The following EPG5 variants were observed in gnomAD, a reference collection of about 807,000 sequenced individuals.
EPG5 encodes the protein ectopic P-granules 5 autophagy tethering factor.
In EPG5, 159 loss-of-function variants were observed where a neutral mutation model predicts 302.7. The observed-to-expected ratio is 0.53, with a 90% CI of 0.46 to 0.60. The LOEUF (loss-of-function observed/expected upper bound fraction) is 0.60, where lower values mean the gene tolerates loss of function less well. Among genes scored for constraint, EPG5 ranks in the 20% least tolerant of loss-of-function variants. EPG5 has a pLI of 0.00. For missense variants in EPG5, 2,896 were observed against 3,092.4 expected (o/e 0.94, Z 1.51); for synonymous variants, 1,158 against 1,136.8 (o/e 1.02, Z -0.37).
At chr18:45,822,210 A>G in the EPG5 span, among the ~76,000 whole-genome samples, 4 of 152,382 alleles carry the variant, frequency 2.6e-5, no homozygotes, top group Admixed American at 2.6e-4. Context: ...AATATTATTC[A>G]GCCATAAAAA....
chr18:45,951,891 C>G (rs2050916924), intron 3 of EPG5, among the ~76,000 whole-genome samples: 1 of 152,068 alleles, frequency 6.6e-6, no homozygotes, highest in South Asian at 2.1e-4. Flanking sequence ...ATAAAAATTG[C>G]ATAATTCAAC....
At chr18:45,965,739 T>G (rs1183609549) in intron 1 of EPG5, among the ~76,000 whole-genome samples, 2 of 152,214 alleles carry the variant, frequency 1.3e-5, no homozygotes, top group Non-Finnish European at 2.9e-5. Flanking sequence ...GAGCAGCATT[T>G]AATCTGTTCA....
intron 1 of EPG5, among the ~76,000 whole-genome samples, chr18:45,966,442 A>ATGTATACATGTGTACATATGTATATATG (rs1568197302): frequency 6.6e-6 from 1 of 151,380 alleles, no homozygotes; most frequent in African/African-American, 2.4e-5. Context: ...GTACGTATAT[A>ATGTATACATGTGTACATATGTATATATG]TGTATATATG....
In EPG5 at chr18:45,943,199, G is replaced by C. The variant is rs1387842506; in HGVS notation, c.1905C>G (p.Arg635=). ...AVGLETFNRA[R]YRQFVKRIGY... is the part of the protein sequence containing the mutation. The stretch of plus-strand genomic sequence containing the variant: ...CAATTCGCTTCACAAACTGCCTATA[G>C]CGTGCTCTATTAAAGGTTTCTAACC... Residue 635 remains arginine (R), a synonymous_variant, in exon 9 of 44, where the codon CGC becomes CGG. Coordinates refer to ENST00000282041, the MANE Select transcript of EPG5 (RefSeq NM_020964.3). The C allele has an allele frequency of 6.2e-7, 1 of 1,614,104 alleles. No individual in the cohort carries two copies. Among genetic ancestry groups the C allele is most frequent in the Admixed American group, 1.7e-5 (1 of 60,016 alleles).
chr18:45,923,896 T>C (rs2050211043), intron 14 of EPG5, among the ~76,000 whole-genome samples: 2 of 152,092 alleles, frequency 1.3e-5, no homozygotes, highest in South Asian at 4.1e-4. Context: ...AGTACGGTGG[T>C]GCACGCCTGT....
At position 45,952,714 on chromosome 18, in the gene EPG5, A is replaced by G. The variant is rs531442647; in HGVS notation, c.1009-71T>C. ...CATTTGAAGTAAGCAGGCAGCAAGT[A>G]TAAGGTACACAGGCTTCAGTACCAT... On this transcript the variant is annotated intron_variant, in intron 2 of 43. Transcript: ENST00000282041. 81 of 1,538,540 alleles carry G rather than the reference A, an allele frequency of 5.3e-5. No homozygotes were observed. In the Middle Eastern group the frequency reaches 1.2e-3, roughly 23 times the overall value.
chr18:45,910,574 G>A lies in EPG5; in HGVS notation c.4152C>T (p.His1384=). 1.2e-6 allele frequency: 2 copies of A among 1,613,910 alleles called. No individual in the cohort carries two copies. The highest frequency in any genetic ancestry group is 1.7e-6 in the Non-Finnish European group (2 of 1,179,968). Reference sequence around the variant, plus strand: ...AAGTCAGGTAACCAGGGGTGCCAGAGTGGCTCTCTGGCAGCCCTTCACTGC... The same window carrying A: ...AAGTCAGGTAACCAGGGGTGCCAGAATGGCTCTCTGGCAGCCCTTCACTGC... ...AEGSEGLPES[H]SGTPGYLTSP... The change falls in exon 23 of 44, where the codon CAC becomes CAT. Residue 1384 remains histidine, a synonymous_variant. Transcript: ENST00000282041.
At chr18:45,944,830 T>C (rs2050751939) in intron 7 of EPG5, among the ~76,000 whole-genome samples, 1 of 152,230 alleles carries the variant, frequency 6.6e-6, no homozygotes, top group African/African-American at 2.4e-5. Context: ...TCAAGATCTA[T>C]GTAGTATGCA....
chr18:45,917,281 A>T (rs920246786), intron 17 of EPG5, among the ~76,000 whole-genome samples: 1 of 152,166 alleles, frequency 6.6e-6, no homozygotes, highest in African/African-American at 2.4e-5. Flanking sequence ...CTAGCATCTT[A>T]TCTGTTTGCA....
At chr18:45,904,182 T>C in intron 24 of EPG5, 65 bp from the exon 25 acceptor site, 1 of 1,536,930 alleles carries the variant, frequency 6.5e-7, no homozygotes. Context: ...TAAAACTATG[T>C]ATTTAACTAT....
intron 31 of EPG5, among the ~76,000 whole-genome samples, chr18:45,880,585 T>C (rs2049075452): frequency 6.6e-6 from 1 of 151,838 alleles, no homozygotes; most frequent in African/African-American, 2.4e-5. Context: ...GAAACAACAG[T>C]CACAGGACAA....
Position 45,870,678 on chromosome 18 carries a change from A to C in EPG5, c.6114T>G (p.Cys2038Trp). ...WLHLMHYCEA[C>W]TAPKMPEFIL... ...TGAACTCTGGCATTTTGGGTGCTGT[A>C]CATGCTTCACAATAATGCATCAGGT... Residue 2038 changes from cysteine (C) to tryptophan (W), a missense_variant, in exon 36 of 44, where the codon TGT becomes TGG. This residue lies in a region of EPG5 where 620 missense variants were observed against 704.2 expected (regional missense o/e 0.88). Coordinates refer to ENST00000282041, the MANE Select transcript of EPG5 (RefSeq NM_020964.3). The C allele has an allele frequency of 1.2e-6, 2 of 1,613,862 alleles. No individual in the cohort carries two copies. The highest frequency in any genetic ancestry group is 1.7e-6 in the Non-Finnish European group (2 of 1,179,876).
At chr18:45,943,372 A>G in intron 8 of EPG5, 61 bp from the exon 9 acceptor site, 1 of 1,420,910 alleles carries the variant, frequency 7.0e-7, no homozygotes, top group South Asian at 1.2e-5. Flanking sequence ...ATGAACGGAT[A>G]CATCTGTATA....
rs752648281 is a variant in EPG5, at chr18:45,910,565, G to T, written c.4161C>A (p.Thr1387=). 2 of 1,613,466 alleles carry T rather than the reference G, an allele frequency of 1.2e-6. No homozygotes were observed. The highest frequency in any genetic ancestry group is 1.7e-6 in the Non-Finnish European group (2 of 1,179,882). ...GTTCTGGTGAAGTCAGGTAACCAGG[G>T]GTGCCAGAGTGGCTCTCTGGCAGCC... The part of the protein sequence containing the change: ...SEGLPESHSG[T]PGYLTSPELH... The change falls in exon 23 of 44, where the codon ACC becomes ACA. Residue 1387 remains threonine, a synonymous_variant. Transcript: ENST00000282041.
chr18:45,838,599 G>A, the EPG5 span: 14 of 1,332,630 alleles, frequency 1.1e-5, no homozygotes, highest in Non-Finnish European at 1.1e-5. Context: ...GACGGGGGCA[G>A]CCTGGCACCC....
Position 45,860,186 on chromosome 18 carries a change from T to C in EPG5, c.6927A>G (p.Leu2309=), listed in dbSNP as rs762613930. Residue 2309 remains leucine, a synonymous_variant, in exon 40 of 44, where the codon TTA becomes TTG. Coordinates refer to ENST00000282041, the MANE Select transcript of EPG5 (RefSeq NM_020964.3). ...KMHGLVVLPL[L]TAACQSLASV... ...ACGCCAGGCTCTGGCAGGCTGCTGT[T>C]AAAAGGGGCAGCACCACCAGCCCAT... is the stretch of plus-strand genomic sequence containing the variant. 8.1e-6 allele frequency: 13 copies of C among 1,614,070 alleles called. No homozygotes were observed. The East Asian group carries it at 2.9e-4, about 36-fold the overall frequency.
At position 45,916,144 on chromosome 18, in the gene EPG5, C is replaced by A. The variant is rs886276412; in HGVS notation, c.3447G>T (p.Trp1149Cys). The A allele has an allele frequency of 6.2e-7, 1 of 1,613,954 alleles. No individual in the cohort carries two copies. Among genetic ancestry groups the A allele is most frequent in the African/African-American group, 1.3e-5 (1 of 74,896 alleles). The part of the protein sequence containing the change: ...EVGPVAVLEF[W>C]VQALISQHLW... ...GATGCTGGCTTATGAGAGCCTGAAC[C>A]CAGAACTCCAACACAGCAACGGGGC... The change falls in exon 19 of 44, where the codon TGG becomes TGT. Residue 1149 changes from tryptophan (W) to cysteine (C), a missense_variant. Trp to Cys is a radical substitution (Grantham distance 215). Transcript: ENST00000282041.
chr18:45,858,096 A>T, intron 41 of EPG5, 28 bp from the exon 42 acceptor site: 1 of 1,580,106 alleles, frequency 6.3e-7, no homozygotes, highest in Non-Finnish European at 8.7e-7. Flanking sequence ...GGAAAATAAA[A>T]TTAGAAGTAA....
the EPG5 span, among the ~76,000 whole-genome samples, chr18:45,840,691 A>T: frequency 0.061 from 9,304 of 152,284 alleles, 894 homozygotes; most frequent in African/African-American, 0.2. Flanking sequence ...GCATCCACCC[A>T]TGTGAAGGCT....
Sources: allele counts gnomAD v4.1 joint callset (sites outside exome capture counted in the v4.1 genomes callset), GRCh38; gene constraint gnomAD v4.1.1; regional missense constraint gnomAD v4.1.1; transcripts MANE v1.5; gene names NCBI Gene and HGNC (gene_info 2026-07-23, HGNC 2026-07-21).